SLC38A11: variants seen among roughly 807,000 people sequenced by gnomAD.
SLC38A11 encodes putative sodium-coupled neutral amino acid transporter 11.
Under a neutral mutation model 49.4 loss-of-function variants are expected in SLC38A11, and 51 were observed. The observed-to-expected ratio is 1.03, with a 90% CI of 0.83 to 1.30. SLC38A11 has a LOEUF of 1.30. Among genes scored for constraint, SLC38A11 ranks in the 50% most tolerant of loss-of-function variants. The pLI is 0.00. For synonymous variants in SLC38A11, 203 were observed against 192.9 expected (o/e 1.05, Z -0.43); for missense variants, 574 against 556.2 (o/e 1.03, Z -0.32).
rs1019127260 is a variant in SLC38A11, at chr2:164,898,369, C to T, written c.*68G>A. 1 of 1,189,188 alleles carries T rather than the reference C, an allele frequency of 8.4e-7. No individual in the cohort carries two copies. Among genetic ancestry groups the T allele is most frequent in the Admixed American group, 2.2e-5 (1 of 45,078 alleles). 73.7% of individuals were successfully genotyped at this position (1,189,188 alleles called of 1,614,324 possible). On this transcript the variant is annotated 3_prime_UTR_variant, in exon 12 of 12. Coordinates refer to ENST00000685975, the MANE Select transcript of SLC38A11 (RefSeq NM_001351537.2). ...TAATTTTATATAACATAAATACAGA[C>T]TAAAGCAAGCGTAAATGTTATGTGT...
intron 5 of SLC38A11, among the ~76,000 whole-genome samples, chr2:164,940,408 C>T (rs528432130): frequency 6.6e-6 from 1 of 150,920 alleles, no homozygotes; most frequent in African/African-American, 2.4e-5. Context: ...AATGAAGACG[C>T]TATTGTTTAA....
Position 164,935,506 on chromosome 2 carries a change from C to CAA in SLC38A11, c.617+1842_617+1843dup, listed in dbSNP as rs35788781. Among the ~76,000 whole-genome samples the CAA allele has an allele frequency of 7.1e-3, 736 of 103,756 alleles. 9 individuals carry two copies. Among genetic ancestry groups the CAA allele is most frequent in the South Asian group, 0.042 (143 of 3,440 alleles). 68.1% of individuals were successfully genotyped at this position (103,756 alleles called of 152,430 possible). ...GCAACATAGTGAGACTCCATCTCTACAAAAAAAAAAAAAAAAGAAAGAAAG... is the reference window on the plus strand; with the variant it reads ...GCAACATAGTGAGACTCCATCTCTACAAAAAAAAAAAAAAAAAAGAAAGAAAG... On this transcript the variant is annotated intron_variant, in intron 7 of 11. Coordinates refer to ENST00000685975, the MANE Select transcript of SLC38A11 (RefSeq NM_001351537.2).
intron 7 of SLC38A11, among the ~76,000 whole-genome samples, chr2:164,917,007 T>C (rs933994484): frequency 3.3e-5 from 5 of 151,852 alleles, no homozygotes; most frequent in African/African-American, 9.7e-5. Flanking sequence ...ATAAAATATG[T>C]AAAACTTCTG....
At position 164,895,003 on chromosome 2, in the gene SLC38A11, A is replaced by G. The variant is rs1049999034; in HGVS notation, c.*3434T>C. On this transcript the variant is annotated 3_prime_UTR_variant, in exon 12 of 12. Transcript: ENST00000685975. ...TGGTCCCTGAACCAGCAGCAGCAGC[A>G]TCACCTGGGAACTTTTCAGAAATAG... is the stretch of plus-strand genomic sequence containing the variant. 6.6e-6 allele frequency among the ~76,000 whole-genome samples: 1 copy of G among 152,148 alleles called. No homozygotes were observed. The highest frequency in any genetic ancestry group is 2.4e-5 in the African/African-American group (1 of 41,446).
intron 2 of SLC38A11, among the ~76,000 whole-genome samples, chr2:164,953,639 GA>G (rs374189710): frequency 0.013 from 1,863 of 143,806 alleles, 37 homozygotes; most frequent in African/African-American, 0.044. Flanking sequence ...ATCATTTGGA[GA>G]AAAAAAAAAG....
intron 3 of SLC38A11, 71 bp downstream of exon 3, chr2:164,952,628 ATGTGTGTG>A (rs35633373): frequency 6.1e-6 from 5 of 813,014 alleles, no homozygotes; most frequent in African/African-American, 5.2e-5. Flanking sequence ...CAGTTGCAGC[ATGTGTGTG>A]TGTGTGTGTG....
At chr2:164,952,960 A>T in intron 2 of SLC38A11, 179 bp from the exon 3 acceptor site, 1 of 546,130 alleles carries the variant, frequency 1.8e-6, no homozygotes. Context: ...TACTTATTTC[A>T]GAATAAAATG....
rs1684357791 is a variant in SLC38A11 at position 164,894,754 on chromosome 2, T to C, written c.*3683A>G. Among the ~76,000 whole-genome samples the C allele has an allele frequency of 1.3e-5, 2 of 152,170 alleles. No homozygotes were observed. The highest frequency in any genetic ancestry group is 4.1e-4 in the South Asian group (2 of 4,824). On this transcript the variant is annotated 3_prime_UTR_variant, in exon 12 of 12. Transcript: ENST00000685975. The stretch of plus-strand genomic sequence containing the variant: ...TTGCTCTTCACTAATATTATTGTCG[T>C]GGTTTCTCCTCTTCTCACTGTGTCT...
At chr2:164,943,440 G>A (rs1255330134) in intron 5 of SLC38A11, among the ~76,000 whole-genome samples, 1 of 152,092 alleles carries the variant, frequency 6.6e-6, no homozygotes, top group Non-Finnish European at 1.5e-5. Context: ...CTGATATATT[G>A]AAAGACACAG....
chr2:164,947,559 T>C (rs1038451740), intron 3 of SLC38A11, among the ~76,000 whole-genome samples: 2 of 152,178 alleles, frequency 1.3e-5, no homozygotes, highest in African/African-American at 4.8e-5. Context: ...TTCAGACTTC[T>C]ACAGCCAGCT....
In SLC38A11 at chr2:164,911,748, C is replaced by A; in HGVS notation, c.851G>T (p.Gly284Val). ...TCTGCAGTAATTTTCAAATAAGTCC[C>A]CTAGATAGTAATATAAAATAAGTTT... ...GYLTFTGFTQ[G>V]DLFENYCRND... The change falls in exon 10 of 12, where the codon GGG (glycine) becomes GTG (valine). Residue 284 changes from glycine to valine, a missense_variant and splice_region_variant. Coordinates refer to ENST00000685975, the MANE Select transcript of SLC38A11 (RefSeq NM_001351537.2). The A allele has an allele frequency of 1.3e-6, 2 of 1,543,784 alleles. No individual in the cohort carries two copies. The highest frequency in any genetic ancestry group is 8.8e-7 in the Non-Finnish European group (1 of 1,130,406).
chr2:164,954,051 C>T (rs553453145), intron 2 of SLC38A11, among the ~76,000 whole-genome samples: 15 of 152,068 alleles, frequency 9.9e-5, no homozygotes, highest in Non-Finnish European at 1.9e-4. Flanking sequence ...AAATAATACG[C>T]ATTTTCAATG....
At chr2:164,940,684 A>G (rs1687704897) in intron 5 of SLC38A11, among the ~76,000 whole-genome samples, 1 of 150,736 alleles carries the variant, frequency 6.6e-6, no homozygotes, top group African/African-American at 2.4e-5. Flanking sequence ...ACATATATGT[A>G]TTATATATAT....
intron 11 of SLC38A11, among the ~76,000 whole-genome samples, chr2:164,904,480 A>T (rs541853989): frequency 6.6e-6 from 1 of 152,142 alleles, no homozygotes; most frequent in Non-Finnish European, 1.5e-5. Context: ...ATTTTATTCT[A>T]TATTATTTGG....
chr2:164,918,099 G>C (rs183709010), intron 7 of SLC38A11, among the ~76,000 whole-genome samples: 442 of 151,582 alleles, frequency 2.9e-3, no homozygotes, highest in African/African-American at 9.9e-3. Flanking sequence ...AAAAAAGAGA[G>C]AGAAGAAAGT....
At chr2:164,946,184 G>T (rs1559129453) in intron 3 of SLC38A11, among the ~76,000 whole-genome samples, 1 of 152,256 alleles carries the variant, frequency 6.6e-6, no homozygotes, top group South Asian at 2.1e-4. Flanking sequence ...GAGAGTCAGA[G>T]AATTTGTTTT....
intron 11 of SLC38A11, among the ~76,000 whole-genome samples, chr2:164,902,254 C>T (rs1684704217): frequency 6.6e-6 from 1 of 152,064 alleles, no homozygotes; most frequent in Admixed American, 6.6e-5. Flanking sequence ...CTCCTGAGCT[C>T]AAGTGATCCT....
chr2:164,923,972 C>T (rs1686393025), intron 7 of SLC38A11, among the ~76,000 whole-genome samples: 1 of 152,104 alleles, frequency 6.6e-6, no homozygotes, highest in South Asian at 2.1e-4. Context: ...TGGGTACACA[C>T]CCAGAGGAAA....
At chr2:164,936,137 G>A (rs1441109016) in intron 7 of SLC38A11, among the ~76,000 whole-genome samples, 1 of 151,850 alleles carries the variant, frequency 6.6e-6, no homozygotes, top group African/African-American at 2.4e-5. Flanking sequence ...ATTATTTGAA[G>A]AAAAAAATAA....
Sources: gnomAD v4.1 joint callset for allele counts (sites outside exome capture counted in the v4.1 genomes callset) on GRCh38, gnomAD v4.1.1 for gene constraint, MANE v1.5 for transcripts, NCBI Gene and HGNC (gene_info 2026-07-23, HGNC 2026-07-21) for gene names.